The following PLCG2 variants were observed in gnomAD, a reference collection of about 807,000 sequenced individuals.
The protein encoded by PLCG2 is phospholipase C gamma 2.
PLCG2 carries 69 observed loss-of-function variants against 175.6 expected under a neutral mutation model. That is an observed-to-expected ratio of 0.39 (90% CI 0.32 to 0.48). The LOEUF is 0.48. PLCG2 is among the 20% of genes least tolerant of loss of function. PLCG2 has a pLI of 0.91. For missense variants in PLCG2, 1,798 were observed against 1,650.9 expected (o/e 1.09, Z -1.54); for synonymous variants, 827 against 624.0 (o/e 1.33, Z -4.85).
chr16:81,866,870 C>A (rs1359148093), intron 5 of PLCG2, among the ~76,000 whole-genome samples: 1 of 152,368 alleles, frequency 6.6e-6, no homozygotes, highest in Middle Eastern at 3.4e-3. Context: ...CCTGCCCTGG[C>A]CCAGCTGTTC....
rs566762795 is a variant in PLCG2, at chr16:81,951,208, C to T, written c.3570+4945C>T. Among the ~76,000 whole-genome samples the T allele has an allele frequency of 1.0e-3, 158 of 152,246 alleles. 1 individual carries two copies. The highest frequency in any genetic ancestry group is 6.5e-4 in the Non-Finnish European group (44 of 68,012). On this transcript the variant is annotated intron_variant, in intron 31 of 32. Coordinates refer to ENST00000564138, the MANE Select transcript of PLCG2 (RefSeq NM_002661.5). Reference sequence around the variant, plus strand: ...GCTGCCTAGGCTGCTCTCAGATCCTCCTGCCTTAGCCTCCCCAAGTGCTGG... The same window carrying T: ...GCTGCCTAGGCTGCTCTCAGATCCTTCTGCCTTAGCCTCCCCAAGTGCTGG...
chr16:81,806,491 A>C (rs543664032), intron 2 of PLCG2, among the ~76,000 whole-genome samples: 1 of 152,056 alleles, frequency 6.6e-6, no homozygotes, highest in African/African-American at 2.4e-5. Flanking sequence ...GGGTAATCAC[A>C]GTAGAACCTT....
rs766974268 is a variant in PLCG2, at chr16:81,786,161, G to A, written c.172G>A (p.Ala58Thr). 13 of 1,613,942 alleles carry A rather than the reference G, an allele frequency of 8.1e-6. No homozygotes were observed. Among genetic ancestry groups the A allele is most frequent in the African/African-American group, 5.3e-5 (4 of 74,936 alleles). Residue 58 changes from alanine (A) to threonine (T), a missense_variant, in exon 2 of 33, where the codon GCT becomes ACT. Ala to Thr is a moderately conservative substitution (Grantham distance 58). Coordinates refer to ENST00000564138, the MANE Select transcript of PLCG2 (RefSeq NM_002661.5). ...ETRQVAWSKTADKIEGFLDIM... is the reference protein window; with the variant it reads ...ETRQVAWSKTTDKIEGFLDIM... ...GCGGCAGGTGGCCTGGAGCAAGACCGCTGACAAGATCGAGGGCTTCTGTGA... is the reference window on the plus strand; with the variant it reads ...GCGGCAGGTGGCCTGGAGCAAGACCACTGACAAGATCGAGGGCTTCTGTGA...
intron 14 of PLCG2, among the ~76,000 whole-genome samples, chr16:81,902,812 C>T (rs562962872): frequency 6.6e-6 from 1 of 152,258 alleles, no homozygotes; most frequent in Non-Finnish European, 1.5e-5. Flanking sequence ...CTGGGGAGGC[C>T]TCACAATCAT....
intron 13 of PLCG2, among the ~76,000 whole-genome samples, chr16:81,896,227 AC>A (rs944692920): frequency 7.9e-5 from 12 of 151,724 alleles, no homozygotes; most frequent in Admixed American, 7.2e-4. Flanking sequence ...CACTTTCAGA[AC>A]CCCCGAAAGA....
At chr16:81,903,232 G>T (rs531509564) in intron 14 of PLCG2, among the ~76,000 whole-genome samples, 2 of 152,200 alleles carry the variant, frequency 1.3e-5, no homozygotes, top group African/African-American at 4.8e-5. Flanking sequence ...GTGTCAACAC[G>T]TGGCATGTAC....
intron 2 of PLCG2, among the ~76,000 whole-genome samples, chr16:81,847,970 C>T (rs79954624): frequency 0.086 from 13,064 of 152,160 alleles, 590 homozygotes; most frequent in Non-Finnish European, 0.095. Flanking sequence ...TACAGAATCC[C>T]AGCAAGTTAT....
chr16:81,795,577 C>G (rs932021599), intron 2 of PLCG2, among the ~76,000 whole-genome samples: 2 of 152,198 alleles, frequency 1.3e-5, no homozygotes, highest in African/African-American at 4.8e-5. Flanking sequence ...GTGTTGGAGG[C>G]TACCGCAGGA....
chr16:81,806,742 C>G (rs913263148), intron 2 of PLCG2, among the ~76,000 whole-genome samples: 1 of 152,052 alleles, frequency 6.6e-6, no homozygotes, highest in African/African-American at 2.4e-5. Flanking sequence ...CACTGAGAAG[C>G]TGGCATTTGA....
chr16:81,896,088 CGA>C (rs888168088), intron 13 of PLCG2, among the ~76,000 whole-genome samples, 161 bp downstream of exon 13: 14 of 152,100 alleles, frequency 9.2e-5, no homozygotes, highest in African/African-American at 3.4e-4. Flanking sequence ...AGTTCTCACC[CGA>C]GTGTTGGCAC....
chr16:81,898,909 G>A (rs1027930448), intron 13 of PLCG2, among the ~76,000 whole-genome samples: 9 of 152,182 alleles, frequency 5.9e-5, no homozygotes, highest in African/African-American at 1.9e-4. Context: ...TATAGGCTGG[G>A]CACAGTGGCT....
At chr16:81,802,543 G>T (rs1036294000) in intron 2 of PLCG2, among the ~76,000 whole-genome samples, 2 of 152,016 alleles carry the variant, frequency 1.3e-5, no homozygotes, top group African/African-American at 4.8e-5. Flanking sequence ...TCTTGATGAG[G>T]AACCTATAGA....
At chr16:81,784,268 G>GAGTT (rs1910871756) in intron 1 of PLCG2, among the ~76,000 whole-genome samples, 1 of 152,234 alleles carries the variant, frequency 6.6e-6, no homozygotes, top group African/African-American at 2.4e-5. Context: ...GCCTGGCATA[G>GAGTT]AGTTGACATT....
intron 2 of PLCG2, among the ~76,000 whole-genome samples, chr16:81,825,030 G>C (rs965207003): frequency 1.3e-5 from 2 of 152,230 alleles, no homozygotes; most frequent in Non-Finnish European, 2.9e-5. Flanking sequence ...GTGGCCTCTA[G>C]AGCTGGGAAA....
At chr16:81,915,786 G>GC (rs143080576) in intron 19 of PLCG2, among the ~76,000 whole-genome samples, 11,098 of 152,186 alleles carry the variant, frequency 0.073, 586 homozygotes, top group African/African-American at 0.15. Context: ...GCACCCCAGA[G>GC]CCCCCCTGCC....
chr16:81,835,187 G>A (rs1388139742), intron 2 of PLCG2, among the ~76,000 whole-genome samples: 1 of 152,176 alleles, frequency 6.6e-6, no homozygotes, highest in East Asian at 1.9e-4. Context: ...TGCAAAATGG[G>A]TATAATAATG....
chr16:81,960,118 G>C lies in PLCG2; in HGVS notation c.*2120G>C, dbSNP rs1911727496. ...TGCCTAAAACTGTCTCCTTCTCCTG[G>C]TGCTACAACCGGAATCCACCATGAG... is the stretch of plus-strand genomic sequence containing the variant. On this transcript the variant is annotated 3_prime_UTR_variant, in exon 33 of 33. Coordinates refer to ENST00000564138, the MANE Select transcript of PLCG2 (RefSeq NM_002661.5). The C allele has an allele frequency of 4.6e-6, 1 of 219,604 alleles. No homozygotes were observed. Among genetic ancestry groups the C allele is most frequent in the Admixed American group, 5.8e-5 (1 of 17,286 alleles). The allele number at this position is 219,604 out of a possible 1,614,324, so 13.6% of individuals were successfully genotyped here. A position where few individuals can be genotyped will look rare whatever the true frequency, so the allele number is the denominator to read the frequency against.
At chr16:81,901,573 G>A (rs898819003) in intron 14 of PLCG2, among the ~76,000 whole-genome samples, 2 of 152,118 alleles carry the variant, frequency 1.3e-5, no homozygotes, top group African/African-American at 2.4e-5. Flanking sequence ...AGAGGGGCAC[G>A]TGAACTTCAA....
chr16:81,878,067 T>C lies in PLCG2; in HGVS notation c.649-2843T>C, dbSNP rs566723046. Among the ~76,000 whole-genome samples the C allele has an allele frequency of 1.9e-3, 275 of 141,382 alleles. 3 individuals are homozygous for C. Among genetic ancestry groups the C allele is most frequent in the African/African-American group, 6.8e-3 (260 of 38,400 alleles). The allele number at this position is 141,382 out of a possible 152,430, so 92.8% of individuals were successfully genotyped here. On this transcript the variant is annotated intron_variant, in intron 7 of 32. Coordinates refer to ENST00000564138, the MANE Select transcript of PLCG2 (RefSeq NM_002661.5). ...CGCCATCTCGGCTCACTGCAAGCTC[T>C]GCCTCCCGGGTTCACGCCATTCTTC...
Sources: gnomAD v4.1 joint callset for allele counts (sites outside exome capture counted in the v4.1 genomes callset) on GRCh38, gnomAD v4.1.1 for gene constraint, MANE v1.5 for transcripts, NCBI Gene and HGNC (gene_info 2026-07-23, HGNC 2026-07-21) for gene names.